Variants in KIR2DL1 observed in about 807,000 individuals in gnomAD.
The protein encoded by KIR2DL1 is killer cell immunoglobulin-like receptor 2DL1.
A neutral mutation model predicts 33.9 loss-of-function variants in KIR2DL1; 38 were observed. That is an observed-to-expected ratio of 1.12 (90% CI 0.86 to 1.47). The LOEUF (loss-of-function observed/expected upper bound fraction) is 1.47. KIR2DL1 is among the 40% of genes most tolerant of loss of function. The pLI is 0.00. For synonymous variants in KIR2DL1, 179 were observed against 165.9 expected, an observed-to-expected ratio of 1.08 and a Z score of -0.61; for missense variants, 531 against 433.9, an observed-to-expected ratio of 1.22 and a Z score of -1.99.
rs749412200 is a variant in KIR2DL1, at chr19:54,774,440, G to A, written c.371-725G>A. On this transcript the variant is annotated intron_variant, in intron 3 of 7. Transcript: ENST00000336077. ...CACAAGGACATTGAAAGATGGAGAT[G>A]TGGGGATGAATTGCAGAGATTCCAA... Among the ~76,000 whole-genome samples the A allele has an allele frequency of 2.0e-5, 3 of 148,398 alleles. 1 individual carries two copies. The highest frequency in any genetic ancestry group is 3.0e-5 in the Non-Finnish European group (2 of 66,272).
intron 5 of KIR2DL1, among the ~76,000 whole-genome samples, chr19:54,782,264 C>G (rs1167546983): frequency 6.6e-6 from 1 of 151,912 alleles, no homozygotes; most frequent in Non-Finnish European, 1.5e-5. Flanking sequence ...AGACGTTCCT[C>G]CTGATCTCAG....
In KIR2DL1 at chr19:54,778,073, C is replaced by T. The variant is rs1351279967; in HGVS notation, c.665-539C>T. On this transcript the variant is annotated intron_variant, in intron 4 of 7. Coordinates refer to ENST00000336077, the MANE Select transcript of KIR2DL1 (RefSeq NM_014218.3). ...GCCAGGAGTTCAAGATTAGTCTGGC[C>T]AACGTGATGAAACATCGTCTCCACT... is the stretch of plus-strand genomic sequence containing the variant. Among the ~76,000 whole-genome samples the T allele has an allele frequency of 2.0e-3, 295 of 146,236 alleles. 16 individuals carry two copies. The highest frequency in any genetic ancestry group is 7.0e-3 in the African/African-American group (278 of 39,440).
intron 5 of KIR2DL1, 64 bp from the exon 6 acceptor site, chr19:54,782,858 C>T (rs549864412): frequency 8.7e-5 from 135 of 1,552,918 alleles, no homozygotes; most frequent in African/African-American, 1.1e-4. Flanking sequence ...TCAAGAAATG[C>T]GAGACAATTC....
Position 54,783,525 on chromosome 19 carries a change from C to G in KIR2DL1, c.857C>G (p.Thr286Arg), listed in dbSNP as rs1212870630. 2 of 1,613,784 alleles carry G rather than the reference C, an allele frequency of 1.2e-6. No individual in the cohort carries two copies. Among genetic ancestry groups the G allele is most frequent in the East Asian group, 2.2e-5 (1 of 44,874 alleles). ...GACCAAGAGTCTGCAGGAAACAGAA[C>G]AGCGAATAGCGAGGTAGGTACTCCT... is the stretch of plus-strand genomic sequence containing the variant. ...VMDQESAGNR[T>R]ANSEDSDEQD... The change falls in exon 7 of 8, where the codon ACA (threonine) becomes AGA (arginine). Residue 286 changes from threonine (T) to arginine (R), a missense_variant. Thr to Arg is a moderately conservative substitution (Grantham distance 71, BLOSUM62 -1). Transcript: ENST00000336077.
chr19:54,771,437 C>T (rs1162077283), intron 2 of KIR2DL1, among the ~76,000 whole-genome samples: 467 of 136,088 alleles, frequency 3.4e-3, no homozygotes, highest in South Asian at 4.1e-3. Context: ...TCAGCTGACA[C>T]TTTTGTTGTA....
chr19:54,773,351 C>T lies in KIR2DL1; in HGVS notation c.89C>T (p.Ser30Phe), dbSNP rs1392775546. 4.3e-5 allele frequency: 69 copies of T among 1,598,764 alleles called. 1 individual carries two copies. The highest frequency in any genetic ancestry group is 1.0e-4 in the Admixed American group (6 of 58,944). ...TTCCTAGGAGTCCACAGAAAACCTT[C>T]CCTCCTGGCCCACCCAGGTCGCCTG... ...WPHEGVHRKP[S>F]LLAHPGRLVK... Residue 30 changes from serine (S) to phenylalanine (F), a missense_variant, in exon 3 of 8, where the codon TCC (serine) becomes TTC (phenylalanine). Coordinates refer to ENST00000336077, the MANE Select transcript of KIR2DL1 (RefSeq NM_014218.3).
In KIR2DL1 at chr19:54,784,068, C is replaced by T; in HGVS notation, c.*255C>T. 3 of 613,314 alleles carry T rather than the reference C, an allele frequency of 4.9e-6. No homozygotes were observed. Among genetic ancestry groups the T allele is most frequent in the East Asian group, 2.8e-5 (1 of 35,296 alleles). 38.0% of individuals were successfully genotyped at this position (613,314 alleles called of 1,614,324 possible). ...AGTTCTCCATTTCACTTGACCCCTG[C>T]CCACCTCTCCAACCTAACTGGCTTA... On this transcript the variant is annotated 3_prime_UTR_variant, in exon 8 of 8. Transcript: ENST00000336077.
intron 1 of KIR2DL1, among the ~76,000 whole-genome samples, chr19:54,770,235 G>A (rs2075516573): frequency 7.2e-6 from 1 of 138,116 alleles, no homozygotes; most frequent in Non-Finnish European, 1.6e-5. Context: ...TGGGCCTGCA[G>A]TAGAGATATG....
At chr19:54,780,016 C>T (rs796415311) in intron 5 of KIR2DL1, 1 of 372,762 alleles carries the variant, frequency 2.7e-6, no homozygotes, top group Non-Finnish European at 4.8e-6. Context: ...CTCCTGCCTC[C>T]GCCTCTCGAG....
At chr19:54,771,737 C>T (rs1600703494) in intron 2 of KIR2DL1, among the ~76,000 whole-genome samples, 1 of 148,316 alleles carries the variant, frequency 6.7e-6, no homozygotes, top group East Asian at 1.9e-4. Context: ...AGATGGGGTG[C>T]CTGTCCCTGA....
Position 54,784,064 on chromosome 19 carries a change from CCTGCCCA to C in KIR2DL1, c.*253_*259del. 1 of 624,606 alleles carries C rather than the reference CCTGCCCA, an allele frequency of 1.6e-6. No individual in the cohort carries two copies. The highest frequency in any genetic ancestry group is 2.8e-6 in the Non-Finnish European group (1 of 360,956). 38.7% of individuals were successfully genotyped at this position (624,606 alleles called of 1,614,324 possible). On this transcript the variant is annotated 3_prime_UTR_variant, in exon 8 of 8. Coordinates refer to ENST00000336077, the MANE Select transcript of KIR2DL1 (RefSeq NM_014218.3). ...CCACAGTTCTCCATTTCACTTGACC[CCTGCCCA>C]CCTCTCCAACCTAACTGGCTTACTT...
In KIR2DL1 at chr19:54,783,091, G is replaced by C. The variant is rs1240404131; in HGVS notation, c.817+68G>C. 4.8e-4 allele frequency: 739 copies of C among 1,531,062 alleles called. 1 individual carries two copies. The highest frequency in any genetic ancestry group is 3.5e-3 in the Middle Eastern group (21 of 5,942). 94.8% of individuals were successfully genotyped at this position (1,531,062 alleles called of 1,614,324 possible). On this transcript the variant is annotated intron_variant, in intron 6 of 7. Coordinates refer to ENST00000336077, the MANE Select transcript of KIR2DL1 (RefSeq NM_014218.3). ...GGGGAAGCAGGATGGGAGCACTCAG[G>C]TGTGTGTTCCTCACAAACAGGATGG...
Position 54,773,843 on chromosome 19 carries a change from C to A in KIR2DL1, c.370+211C>A, listed in dbSNP as rs374096056. Among the ~76,000 whole-genome samples the A allele has an allele frequency of 1.4e-4, 21 of 147,646 alleles. 1 individual carries two copies. The highest frequency in any genetic ancestry group is 3.5e-3 in the Middle Eastern group (1 of 286). On this transcript the variant is annotated intron_variant, in intron 3 of 7. Coordinates refer to ENST00000336077, the MANE Select transcript of KIR2DL1 (RefSeq NM_014218.3). ...CAGAGAACAGACACAGGGGCCATACCGGGAGTTAGAAAAGACAGAAAGAGT... is the reference window on the plus strand; with the variant it reads ...CAGAGAACAGACACAGGGGCCATACAGGGAGTTAGAAAAGACAGAAAGAGT...
At chr19:54,782,039 G>A (rs1180950558) in intron 5 of KIR2DL1, among the ~76,000 whole-genome samples, 2 of 152,006 alleles carry the variant, frequency 1.3e-5, no homozygotes, top group African/African-American at 4.8e-5. Flanking sequence ...TAAGCAGCGA[G>A]TGACAACAGA....
chr19:54,776,315 T>C (rs1286773839), intron 4 of KIR2DL1, among the ~76,000 whole-genome samples: 1 of 148,016 alleles, frequency 6.8e-6, no homozygotes, highest in East Asian at 1.9e-4. Flanking sequence ...TTCTACTCTC[T>C]ACCTTCATGA....
intron 5 of KIR2DL1, among the ~76,000 whole-genome samples, chr19:54,782,686 A>G (rs1300102265): frequency 1.3e-5 from 2 of 151,872 alleles, no homozygotes; most frequent in African/African-American, 4.8e-5. Context: ...TGAAATTTCA[A>G]TGTGAGGTTT....
In KIR2DL1 at chr19:54,783,191, A is replaced by G. The variant is rs796499383; in HGVS notation, c.817+168A>G. Among the ~76,000 whole-genome samples, 920 of 150,258 alleles carry G rather than the reference A, an allele frequency of 6.1e-3. 2 individuals carry two copies. Among genetic ancestry groups the G allele is most frequent in the African/African-American group, 0.021 (860 of 40,576 alleles). On this transcript the variant is annotated intron_variant, in intron 6 of 7. Transcript: ENST00000336077. ...ACCAGACTCCCTGTCCCTGCCTTCA[A>G]CTCACAGACCGTTGCCTGATTCTGA...
intron 5 of KIR2DL1, among the ~76,000 whole-genome samples, chr19:54,782,606 A>G (rs144007172): frequency 0.055 from 8,056 of 147,186 alleles, 345 homozygotes; most frequent in Non-Finnish European, 0.08. Flanking sequence ...GACAGCATTG[A>G]TGTGTTCATG....
intron 4 of KIR2DL1, 74 bp from the exon 5 acceptor site, chr19:54,778,538 C>T (rs1334456255): frequency 2.9e-6 from 4 of 1,385,588 alleles, no homozygotes; most frequent in Non-Finnish European, 4.0e-6. Flanking sequence ...GGCCATGAAC[C>T]ATCCTCAAAG....
Sources: gnomAD v4.1 joint callset for allele counts (sites outside exome capture counted in the v4.1 genomes callset) on GRCh38, gnomAD v4.1.1 for gene constraint, MANE v1.5 for transcripts, NCBI Gene and HGNC (gene_info 2026-07-23, HGNC 2026-07-21) for gene names.